Variants in FAM135B observed in about 807,000 individuals in gnomAD.
The protein encoded by FAM135B is protein FAM135B.
A neutral mutation model predicts 127.7 loss-of-function variants in FAM135B; 43 were observed. That is an observed-to-expected ratio of 0.34 (90% CI 0.26 to 0.43). The LOEUF (loss-of-function observed/expected upper bound fraction) is 0.43, where lower values mean the gene tolerates loss of function less well. FAM135B is among the 20% of genes least tolerant of loss of function. The probability of loss-of-function intolerance (pLI) is 1.00; values close to 1 mark genes in which losing one functional copy is unlikely to be tolerated. For missense variants in FAM135B, 1,558 were observed against 1,725.6 expected (o/e 0.90, Z 1.72); for synonymous variants, 670 against 665.1 (o/e 1.01, Z -0.11).
Position 138,141,177 on chromosome 8 carries a change from C to G in FAM135B, c.3790+21G>C. ...GCCCCAGATTAATTCTGAGGAATGA[C>G]GAGTCCTAGAAGAATCTTACCTGTA... On this transcript the variant is annotated intron_variant, in intron 17 of 19. Coordinates refer to ENST00000395297, the MANE Select transcript of FAM135B (RefSeq NM_015912.4). This position sits in a 1 kb window ranked among gnomAD's most constrained non-coding sequence, Gnocchi z 4.7. 1.2e-6 allele frequency: 2 copies of G among 1,612,138 alleles called. No homozygotes were observed. Among genetic ancestry groups the G allele is most frequent in the Non-Finnish European group, 1.7e-6 (2 of 1,178,912 alleles).
intron 2 of FAM135B, among the ~76,000 whole-genome samples, chr8:138,333,426 C>T (rs1222395342): frequency 6.6e-6 from 1 of 152,104 alleles, no homozygotes; most frequent in Non-Finnish European, 1.5e-5. Flanking sequence ...TCCACATTTC[C>T]ACATCTTTGC....
chr8:138,186,177 G>A (rs1180805793), intron 9 of FAM135B, among the ~76,000 whole-genome samples: 2 of 152,070 alleles, frequency 1.3e-5, no homozygotes, highest in Non-Finnish European at 2.9e-5. Flanking sequence ...CTCACCTCTC[G>A]CTCCCTGGTT....
chr8:138,295,834 A>G (rs1825441332), intron 3 of FAM135B, among the ~76,000 whole-genome samples: 2 of 152,188 alleles, frequency 1.3e-5, no homozygotes, highest in African/African-American at 4.8e-5. Context: ...GCTTTGTGTA[A>G]GTGGGAGTGG....
intron 1 of FAM135B, among the ~76,000 whole-genome samples, chr8:138,489,148 G>C (rs906682514): frequency 1.3e-5 from 2 of 152,148 alleles, no homozygotes; most frequent in Non-Finnish European, 2.9e-5. Context: ...GAGTTTGATT[G>C]ATATTGCCTA....
chr8:138,419,261 A>G (rs1243996376), intron 1 of FAM135B, among the ~76,000 whole-genome samples: 1 of 152,188 alleles, frequency 6.6e-6, no homozygotes, highest in Non-Finnish European at 1.5e-5. Flanking sequence ...AATGACAAAG[A>G]ATGGTGTTAC....
intron 2 of FAM135B, among the ~76,000 whole-genome samples, chr8:138,365,201 G>A (rs941139727): frequency 2.0e-5 from 3 of 152,084 alleles, no homozygotes; most frequent in African/African-American, 7.2e-5. Flanking sequence ...CCAAGTTCTG[G>A]TTTTAGTTTA....
chr8:138,349,530 G>T (rs1304737151), intron 2 of FAM135B, among the ~76,000 whole-genome samples: 1 of 152,206 alleles, frequency 6.6e-6, no homozygotes, highest in African/African-American at 2.4e-5. Flanking sequence ...TAGGGATTAA[G>T]GAAGGCTGGT....
chr8:138,281,476 A>AC (rs201085392), intron 3 of FAM135B, among the ~76,000 whole-genome samples: 15,554 of 151,176 alleles, frequency 0.1, 838 homozygotes, highest in Non-Finnish European at 0.13. Flanking sequence ...TAAAAAAAAA[A>AC]AATCCTATTG....
chr8:138,443,285 A>T (rs1835917305), intron 1 of FAM135B, among the ~76,000 whole-genome samples: 1 of 152,200 alleles, frequency 6.6e-6, no homozygotes, highest in Non-Finnish European at 1.5e-5. Context: ...TGGTCTATCC[A>T]TTCAAATATT....
intron 3 of FAM135B, among the ~76,000 whole-genome samples, chr8:138,298,421 T>C (rs1001660512): frequency 2.0e-5 from 3 of 152,142 alleles, no homozygotes; most frequent in Non-Finnish European, 4.4e-5. Flanking sequence ...CCTGAATTAA[T>C]TAAGGAAACA....
At chr8:138,287,466 C>T (rs991064) in intron 3 of FAM135B, among the ~76,000 whole-genome samples, 138,090 of 144,810 alleles carry the variant, frequency 0.95, 65,719 homozygotes, top group South Asian at 0.99. Flanking sequence ...TTTTTTTTTT[C>T]AAATCTGCAT....
intron 7 of FAM135B, among the ~76,000 whole-genome samples, chr8:138,204,430 T>C (rs1233731554): frequency 2.0e-5 from 3 of 152,202 alleles, no homozygotes; most frequent in Non-Finnish European, 4.4e-5. Context: ...TTTTTAGTTT[T>C]ATTTTTCAGG....
At position 138,241,418 on chromosome 8, in the gene FAM135B, C is replaced by A. The variant is rs141801385; in HGVS notation, c.669+1524G>T. The stretch of plus-strand genomic sequence containing the variant: ...CAGAACCCCATTCTGGCTTCAGGTC[C>A]CCTCAGCAGGTTCTTGACAACTCTT... On this transcript the variant is annotated intron_variant, in intron 7 of 19. Coordinates refer to ENST00000395297, the MANE Select transcript of FAM135B (RefSeq NM_015912.4). The surrounding 1 kb of genome is among the most constrained non-coding windows in gnomAD (Gnocchi z 4.8). Among the ~76,000 whole-genome samples, 1 of 152,262 alleles carries A rather than the reference C, an allele frequency of 6.6e-6. No homozygotes were observed. Among genetic ancestry groups the A allele is most frequent in the African/African-American group, 2.4e-5 (1 of 41,544 alleles).
At chr8:138,157,054 A>G (rs1179608734) in intron 12 of FAM135B, among the ~76,000 whole-genome samples, 2 of 152,244 alleles carry the variant, frequency 1.3e-5, no homozygotes, top group Non-Finnish European at 2.9e-5. Flanking sequence ...TCAATAAAAT[A>G]CTGGCAAACA....
At chr8:138,271,009 C>T (rs1306292377) in intron 3 of FAM135B, among the ~76,000 whole-genome samples, 1 of 152,290 alleles carries the variant, frequency 6.6e-6, no homozygotes, top group African/African-American at 2.4e-5. Context: ...CAATGAGATG[C>T]CCCAGCAGCA....
intron 7 of FAM135B, among the ~76,000 whole-genome samples, chr8:138,229,894 G>A (rs78435107): frequency 0.01 from 1,595 of 152,178 alleles, 26 homozygotes; most frequent in African/African-American, 0.034. Context: ...GAACAGCATG[G>A]AGGAAGCCAC....
Position 138,243,333 on chromosome 8 carries a change from T to A in FAM135B, c.543-265A>T, listed in dbSNP as rs913589503. Among the ~76,000 whole-genome samples the A allele has an allele frequency of 6.6e-6, 1 of 152,108 alleles. No individual in the cohort carries two copies. The highest frequency in any genetic ancestry group is 6.6e-5 in the Admixed American group (1 of 15,264). Reference sequence around the variant, plus strand: ...ATGCCCACCCTAAATGCCAACAACATACCTGTAAGAAACACTGAAGCAGAG... The same window carrying A: ...ATGCCCACCCTAAATGCCAACAACAAACCTGTAAGAAACACTGAAGCAGAG... On this transcript the variant is annotated intron_variant, in intron 6 of 19. Transcript: ENST00000395297. This position sits in a 1 kb window ranked among gnomAD's most constrained non-coding sequence, Gnocchi z 7.5.
chr8:138,443,637 T>C (rs777687276), intron 1 of FAM135B, among the ~76,000 whole-genome samples: 3 of 152,200 alleles, frequency 2.0e-5, no homozygotes, highest in Non-Finnish European at 4.4e-5. Context: ...GGACAAGGGC[T>C]GTTCCCAATA....
chr8:138,479,410 C>T (rs1188098535), intron 1 of FAM135B, among the ~76,000 whole-genome samples: 1 of 152,162 alleles, frequency 6.6e-6, no homozygotes, highest in Non-Finnish European at 1.5e-5. Context: ...AGCCCCCACT[C>T]CCCTCGTCTA....
Sources: allele counts gnomAD v4.1 joint callset (sites outside exome capture counted in the v4.1 genomes callset), GRCh38; gene constraint gnomAD v4.1.1; non-coding constraint Gnocchi (gnomAD v3.1); transcripts MANE v1.5; gene names NCBI Gene and HGNC (gene_info 2026-07-23, HGNC 2026-07-21).